CNST: variants seen among roughly 807,000 people sequenced by gnomAD.
The protein encoded by CNST is consortin, connexin sorting protein.
Under a neutral mutation model 72.4 loss-of-function variants are expected in CNST, and 39 were observed. The observed-to-expected ratio is 0.54, with a 90% confidence interval of 0.42 to 0.70. The LOEUF is 0.70. Ranked by LOEUF, CNST falls within the 30% of genes least tolerant of loss-of-function variation. The pLI is 0.00. For missense variants in CNST, 871 were observed against 868.5 expected, an observed-to-expected ratio of 1.00 and a Z score of -0.04; for synonymous variants, 332 against 320.1, an observed-to-expected ratio of 1.04 and a Z score of -0.40.
chr1:246,611,849 A>G (rs1228231546), intron 2 of CNST, among the ~76,000 whole-genome samples: 2 of 152,236 alleles, frequency 1.3e-5, no homozygotes, highest in African/African-American at 2.4e-5. Context: ...CAACTGATGA[A>G]TGGATAAACA....
At chr1:246,634,701 A>C (rs1386264004) in intron 6 of CNST, 114 bp downstream of exon 6, 9 of 651,996 alleles carry the variant, frequency 1.4e-5, no homozygotes, top group Non-Finnish European at 2.1e-5. Flanking sequence ...ATTAAGATGG[A>C]TATAATATAA....
chr1:246,665,643 G>A (rs1257880142), intron 10 of CNST, 57 bp from the exon 11 acceptor site: 1 of 1,389,560 alleles, frequency 7.2e-7, no homozygotes, highest in East Asian at 2.3e-5. Flanking sequence ...AAAGACAGCA[G>A]ATGCTAAGAT....
At position 246,633,960 on chromosome 1, in the gene CNST, T is replaced by G; in HGVS notation, c.653T>G (p.Leu218Trp). The change falls in exon 5 of 11, where the codon TTG (leucine) becomes TGG (tryptophan). Residue 218 changes from leucine (L) to tryptophan (W), a missense_variant. By Grantham distance (61) the Leu-to-Trp change is moderately conservative. Transcript: ENST00000366513. The stretch of plus-strand genomic sequence containing the variant: ...ATGAAATTCATTCAGCTAGAACGAT[T>G]GTATCATGAGCAATTGCTCGCAAAT... ...KAMKFIQLER[L>W]YHEQLLANLS... is the part of the protein sequence containing the mutation. The G allele has an allele frequency of 6.2e-7, 1 of 1,613,290 alleles. No homozygotes were observed. The highest frequency in any genetic ancestry group is 8.5e-7 in the Non-Finnish European group (1 of 1,179,250).
intron 10 of CNST, among the ~76,000 whole-genome samples, chr1:246,664,507 A>G (rs1315617849): frequency 6.6e-6 from 1 of 151,400 alleles, no homozygotes; most frequent in Admixed American, 6.6e-5. Flanking sequence ...GCTCACTGCA[A>G]CCTCCGCCTC....
chr1:246,583,784 T>C (rs1660951193), intron 1 of CNST, among the ~76,000 whole-genome samples: 1 of 152,340 alleles, frequency 6.6e-6, no homozygotes, highest in African/African-American at 2.4e-5. Context: ...AGCACTTGTA[T>C]TGCATAAGCA....
In CNST at chr1:246,665,778, C is replaced by T; in HGVS notation, c.2051C>T (p.Ala684Val). ...ATVFLSVGGT[A>V]LYCTFGDMES... Reference sequence around the variant, plus strand: ...GTTTTCCTCAGTGTTGGAGGAACTGCATTATACTGCACTTTCGGTGACATG... The same window carrying T: ...GTTTTCCTCAGTGTTGGAGGAACTGTATTATACTGCACTTTCGGTGACATG... The change falls in exon 11 of 11, where the codon GCA (alanine) becomes GTA (valine). Residue 684 changes from alanine to valine, a missense_variant. Coordinates refer to ENST00000366513, the MANE Select transcript of CNST (RefSeq NM_152609.3). 6.2e-7 allele frequency: 1 copy of T among 1,613,994 alleles called. No homozygotes were observed. The highest frequency in any genetic ancestry group is 8.5e-7 in the Non-Finnish European group (1 of 1,179,994).
intron 2 of CNST, among the ~76,000 whole-genome samples, chr1:246,595,137 T>C (rs1661795205): frequency 6.6e-6 from 1 of 152,138 alleles, no homozygotes; most frequent in Admixed American, 6.6e-5. Context: ...TGGGGTGAGT[T>C]AGCAGGGCAC....
In CNST at chr1:246,665,970, T is replaced by C; in HGVS notation, c.*65T>C. On this transcript the variant is annotated 3_prime_UTR_variant, in exon 11 of 11. Coordinates refer to ENST00000366513, the MANE Select transcript of CNST (RefSeq NM_152609.3). ...AGGCGGGAGACTTTCTAAACAGTTT[T>C]TCTTTCAGGAATTCTGTAGCATTCC... 1 of 1,208,430 alleles carries C rather than the reference T, an allele frequency of 8.3e-7. No individual in the cohort carries two copies. The highest frequency in any genetic ancestry group is 1.4e-5 in the South Asian group (1 of 74,010). The allele number at this position is 1,208,430 out of a possible 1,614,324, so 74.9% of individuals were successfully genotyped here.
Position 246,591,913 on chromosome 1 carries a change from A to G in CNST, c.351A>G (p.Lys117=). ...CTGGAAAAAGAAGTCCAAGAAGCAA[A>G]AAAGGGACTGCTAAGAAGATACCAC... ...KIPGKRSPRS[K]KGTAKKIPPG... Residue 117 remains lysine, a synonymous_variant, in exon 2 of 11, where the codon AAA becomes AAG. Transcript: ENST00000366513. The G allele has an allele frequency of 1.2e-6, 2 of 1,613,618 alleles. No individual in the cohort carries two copies. Among genetic ancestry groups the G allele is most frequent in the Middle Eastern group, 1.7e-4 (1 of 6,060 alleles).
At chr1:246,631,767 TA>T (rs1558572814) in intron 3 of CNST, 126 bp from the exon 4 acceptor site, 5 of 719,896 alleles carry the variant, frequency 6.9e-6, no homozygotes, top group East Asian at 2.6e-5. Flanking sequence ...GAATGTAGTT[TA>T]AAAAAAGAGT....
intron 1 of CNST, among the ~76,000 whole-genome samples, chr1:246,580,318 G>T (rs1403095814): frequency 6.6e-6 from 1 of 152,110 alleles, no homozygotes; most frequent in African/African-American, 2.4e-5. Context: ...TTTGTGGTCA[G>T]AAATTAAATG....
At chr1:246,654,905 A>G (rs1222685084) in intron 9 of CNST, among the ~76,000 whole-genome samples, 1 of 152,188 alleles carries the variant, frequency 6.6e-6, no homozygotes, top group African/African-American at 2.4e-5. Context: ...ACACAGATCA[A>G]GTCCCTGCTC....
rs190268986 is a variant in CNST at position 246,660,342 on chromosome 1, G to T, written c.1972+8G>T. 5.6e-6 allele frequency: 9 copies of T among 1,610,464 alleles called. No individual in the cohort carries two copies. The African/African-American group carries it at 8.0e-5, about 14-fold the overall frequency. On this transcript the variant is annotated splice_region_variant and intron_variant, in intron 10 of 10. Transcript: ENST00000366513. ...ACGATAGCTTGGATCAAGGTAAACC[G>T]CTTGGCACTGTGGCTAGCAGGATAG...
chr1:246,590,544 A>C (rs1661480653), intron 1 of CNST, among the ~76,000 whole-genome samples: 1 of 152,018 alleles, frequency 6.6e-6, no homozygotes, highest in Non-Finnish European at 1.5e-5. Context: ...TGAATATTTT[A>C]TCTTGTACTT....
At chr1:246,633,708 A>G (rs1471732965) in intron 4 of CNST, among the ~76,000 whole-genome samples, 1 of 151,276 alleles carries the variant, frequency 6.6e-6, no homozygotes, top group Non-Finnish European at 1.5e-5. Context: ...GCCCCACTGC[A>G]CTCCAGCCTG....
intron 9 of CNST, among the ~76,000 whole-genome samples, chr1:246,659,929 T>C (rs1431958028): frequency 2.0e-5 from 3 of 152,202 alleles, no homozygotes; most frequent in Non-Finnish European, 4.4e-5. Context: ...TGTTCTGATT[T>C]CCAGTCGACT....
At chr1:246,583,548 C>G (rs190677786) in intron 1 of CNST, among the ~76,000 whole-genome samples, 3 of 152,286 alleles carry the variant, frequency 2.0e-5, no homozygotes, top group African/African-American at 7.2e-5. Flanking sequence ...CATGTTGTGT[C>G]TCATCTGTCT....
chr1:246,634,156 TACC>T, intron 5 of CNST, 146 bp downstream of exon 5: 3 of 624,600 alleles, frequency 4.8e-6, no homozygotes, highest in Non-Finnish European at 8.5e-6. Context: ...GTAGCATTTT[TACC>T]ACAAGTCTAT....
chr1:246,572,138 G>T (rs1260743624), intron 1 of CNST, among the ~76,000 whole-genome samples: 1 of 152,150 alleles, frequency 6.6e-6, no homozygotes, highest in African/African-American at 2.4e-5. Flanking sequence ...AGGCTGAGGT[G>T]GGAGGATCAC....
Sources: gnomAD v4.1 joint callset for allele counts (sites outside exome capture counted in the v4.1 genomes callset) on GRCh38, gnomAD v4.1.1 for gene constraint, MANE v1.5 for transcripts, NCBI Gene and HGNC (gene_info 2026-07-23, HGNC 2026-07-21) for gene names.